FRMPD1: variants seen among roughly 807,000 people sequenced by gnomAD.
FRMPD1 encodes FERM and PDZ domain containing 1, also known as FERM and PDZ domain-containing protein 1.
FRMPD1 carries 76 observed loss-of-function variants against 117.8 expected under a neutral mutation model. That is an observed-to-expected ratio of 0.65 (90% CI 0.54 to 0.78). The LOEUF (loss-of-function observed/expected upper bound fraction) is 0.78, where lower values mean the gene tolerates loss of function less well. Ranked by LOEUF, FRMPD1 falls within the 30% of genes least tolerant of loss-of-function variation. FRMPD1 has a pLI of 0.00. For missense variants in FRMPD1, 1,786 were observed against 1,964.5 expected, an observed-to-expected ratio of 0.91 and a Z score of 1.72; for synonymous variants, 783 against 770.4, an observed-to-expected ratio of 1.02 and a Z score of -0.27.
Position 37,740,039 on chromosome 9 carries a change from A to T in FRMPD1, c.1550-39A>T, listed in dbSNP as rs1400564648. 9 of 1,412,624 alleles carry T rather than the reference A, an allele frequency of 6.4e-6. No homozygotes were observed. In the South Asian group the frequency reaches 9.2e-5, roughly 15 times the overall value. 87.5% of individuals were successfully genotyped at this position (1,412,624 alleles called of 1,614,324 possible). ...GGCTAGAAGGACACATAGGTAGGAG[A>T]ATTCTGTTGTGTAACTGTTGCTGTA... On this transcript the variant is annotated intron_variant, in intron 14 of 15. Coordinates refer to ENST00000377765, the MANE Select transcript of FRMPD1 (RefSeq NM_014907.3). The surrounding 1 kb of genome is among the most constrained non-coding windows in gnomAD (Gnocchi z 4.2).
intron 1 of FRMPD1, among the ~76,000 whole-genome samples, chr9:37,683,677 TGGC>T (rs1323046209): frequency 6.6e-6 from 1 of 150,966 alleles, no homozygotes; most frequent in Non-Finnish European, 1.5e-5. Flanking sequence ...GAGATGAAGT[TGGC>T]GGGTAGGCAG....
intron 7 of FRMPD1, among the ~76,000 whole-genome samples, chr9:37,724,975 G>T: frequency 6.6e-6 from 1 of 152,186 alleles, no homozygotes; most frequent in Admixed American, 6.5e-5. Context: ...GACCTGCGCT[G>T]AGCTTTGGAG....
At chr9:37,701,277 C>T (rs1229784622) in intron 2 of FRMPD1, among the ~76,000 whole-genome samples, 1 of 152,186 alleles carries the variant, frequency 6.6e-6, no homozygotes, top group Non-Finnish European at 1.5e-5. Context: ...ATTATTAACC[C>T]TACTCTATGG....
chr9:37,744,378 C>T lies in FRMPD1; in HGVS notation c.2357-11C>T. Reference sequence around the variant, plus strand: ...TGCTTTTTAATGTATTTTTTCTTTCCTGACTCCCAGGGCCCAGAGATGTTT... The same window carrying T: ...TGCTTTTTAATGTATTTTTTCTTTCTTGACTCCCAGGGCCCAGAGATGTTT... On this transcript the variant is annotated splice_polypyrimidine_tract_variant and intron_variant, in intron 15 of 15. Coordinates refer to ENST00000377765, the MANE Select transcript of FRMPD1 (RefSeq NM_014907.3). 1 of 1,557,256 alleles carries T rather than the reference C, an allele frequency of 6.4e-7. No individual in the cohort carries two copies. The highest frequency in any genetic ancestry group is 2.0e-5 in the Admixed American group (1 of 49,384).
At chr9:37,650,931 T>G (rs1820650575), upstream of FRMPD1, 1 of 149,308 alleles carries the variant, frequency 6.7e-6, no homozygotes, top group Non-Finnish European at 1.5e-5. Flanking sequence ...GGCCAACCCC[T>G]CCGGCTGCAG....
the FRMPD1 span, among the ~76,000 whole-genome samples, chr9:37,632,917 A>G: frequency 6.8e-6 from 1 of 147,750 alleles, no homozygotes; most frequent in African/African-American, 2.4e-5. Context: ...GTATATATAT[A>G]ATATATAATT....
At chr9:37,606,589 G>A in the FRMPD1 span, among the ~76,000 whole-genome samples, 2 of 152,158 alleles carry the variant, frequency 1.3e-5, no homozygotes, top group Admixed American at 1.3e-4. Flanking sequence ...GCACCACCAC[G>A]CTGAATATGC....
rs1588965929 is a variant in FRMPD1, at chr9:37,732,433, T to C, written c.988T>C (p.Tyr330His). The change falls in exon 10 of 16, where the codon TAT becomes CAT. Residue 330 changes from tyrosine (Y) to histidine (H), a missense_variant. Coordinates refer to ENST00000377765, the MANE Select transcript of FRMPD1 (RefSeq NM_014907.3). Reference protein sequence around the residue: ...CAQPQKISLKYIEKDWGIENF... With the variant: ...CAQPQKISLKHIEKDWGIENF... ...CCAGCCACAGAAGATCTCTTTAAAGTATATAGAGTGAGTGGCAGGGGATGG... is the reference window on the plus strand; with the variant it reads ...CCAGCCACAGAAGATCTCTTTAAAGCATATAGAGTGAGTGGCAGGGGATGG... The C allele has an allele frequency of 4.4e-6, 7 of 1,601,182 alleles. No homozygotes were observed. Among genetic ancestry groups the C allele is most frequent in the Non-Finnish European group, 6.0e-6 (7 of 1,173,018 alleles).
intron 15 of FRMPD1, among the ~76,000 whole-genome samples, chr9:37,743,050 C>A (rs7043603): frequency 0.21 from 31,391 of 152,164 alleles, 3,379 homozygotes; most frequent in African/African-American, 0.26. Flanking sequence ...GTCTGACTAC[C>A]CAAGCTCTCT....
intron 1 of FRMPD1, chr9:37,670,000 A>C (rs1024669989): frequency 6.6e-6 from 1 of 152,142 alleles, no homozygotes; most frequent in Non-Finnish European, 1.5e-5. Context: ...TCTCAAAAAA[A>C]AAAAAAGAAA....
the FRMPD1 span, among the ~76,000 whole-genome samples, chr9:37,610,500 A>G: frequency 0.1 from 15,610 of 152,060 alleles, 911 homozygotes; most frequent in Middle Eastern, 0.15. Context: ...AACAAATGGT[A>G]TACTGTTTAC....
chr9:37,708,085 A>G (rs562088222), intron 3 of FRMPD1, among the ~76,000 whole-genome samples: 1 of 152,356 alleles, frequency 6.6e-6, no homozygotes, highest in South Asian at 2.1e-4. Flanking sequence ...CTACACATAC[A>G]CACCAGAGTT....
At chr9:37,648,254 G>C (rs577374215), upstream of FRMPD1, among the ~76,000 whole-genome samples, 2 of 151,682 alleles carry the variant, frequency 1.3e-5, no homozygotes, top group South Asian at 2.1e-4. Context: ...AGGCAGTTTG[G>C]CTCAAGACTA....
At chr9:37,674,960 C>G (rs71504542) in intron 1 of FRMPD1, among the ~76,000 whole-genome samples, 239 of 152,162 alleles carry the variant, frequency 1.6e-3, no homozygotes, top group Non-Finnish European at 2.1e-3. Flanking sequence ...ACCATGGGCC[C>G]TAAAAAATGA....
At chr9:37,665,669 G>A (rs558745501) in intron 1 of FRMPD1, among the ~76,000 whole-genome samples, 1 of 152,298 alleles carries the variant, frequency 6.6e-6, no homozygotes, top group East Asian at 1.9e-4. Context: ...CTTAGGATGT[G>A]GGTTTTGCTA....
chr9:37,711,886 A>C (rs181253020), intron 5 of FRMPD1, among the ~76,000 whole-genome samples: 2 of 152,180 alleles, frequency 1.3e-5, no homozygotes, highest in East Asian at 3.8e-4. Flanking sequence ...ACAGGGAGGA[A>C]GCGGCAATCC....
At chr9:37,733,867 C>G in intron 12 of FRMPD1, 42 bp downstream of exon 12, 1 of 1,027,614 alleles carries the variant, frequency 9.7e-7, no homozygotes, top group Non-Finnish European at 1.5e-6. Context: ...ACGTAAGGGA[C>G]CTTAGAGATC....
intron 2 of FRMPD1, among the ~76,000 whole-genome samples, chr9:37,706,259 T>A (rs189540858): frequency 6.6e-6 from 1 of 152,294 alleles, no homozygotes; most frequent in East Asian, 1.9e-4. Flanking sequence ...GACTTGTGCT[T>A]GTCACTTACA....
At chr9:37,605,457 C>G in the FRMPD1 span, among the ~76,000 whole-genome samples, 2 of 152,154 alleles carry the variant, frequency 1.3e-5, no homozygotes, top group African/African-American at 2.4e-5. Context: ...CCTGGTCATT[C>G]CATAGCACAT....
Sources: gnomAD v4.1 joint callset for allele counts (sites outside exome capture counted in the v4.1 genomes callset) on GRCh38, gnomAD v4.1.1 for gene constraint, Gnocchi (gnomAD v3.1) non-coding constraint, MANE v1.5 for transcripts, NCBI Gene and HGNC (gene_info 2026-07-23, HGNC 2026-07-21) for gene names.